The following CNBD1 variants were observed in gnomAD, a reference collection of about 807,000 sequenced individuals.
CNBD1 encodes cyclic nucleotide-binding domain-containing protein 1.
Under a neutral mutation model 54.4 loss-of-function variants are expected in CNBD1, and 71 were observed. The ratio of observed to expected loss-of-function variants is 1.30; its 90% CI spans 1.08 to 1.59. The LOEUF (loss-of-function observed/expected upper bound fraction) is 1.59. Ranked by LOEUF, CNBD1 falls within the 40% of genes most tolerant of loss-of-function variation. The probability of loss-of-function intolerance (pLI) is 0.00; values close to 1 mark genes in which losing one functional copy is unlikely to be tolerated. For synonymous variants in CNBD1, 182 were observed against 170.7 expected (o/e 1.07, Z -0.51); for missense variants, 659 against 518.0 (o/e 1.27, Z -2.64).
intron 7 of CNBD1, among the ~76,000 whole-genome samples, chr8:87,286,290 A>C (rs561145091): frequency 6.6e-6 from 1 of 152,292 alleles, no homozygotes; most frequent in African/African-American, 2.4e-5. Flanking sequence ...AAAACTTCTA[A>C]AACATTTATA....
intron 8 of CNBD1, among the ~76,000 whole-genome samples, chr8:87,326,163 C>G (rs904818646): frequency 1.6e-5 from 2 of 122,096 alleles, no homozygotes; most frequent in Admixed American, 8.0e-5. Context: ...GGGTTTCTGC[C>G]GAGAGATCCG....
At chr8:87,160,001 A>T (rs545818648) in intron 4 of CNBD1, among the ~76,000 whole-genome samples, 1 of 152,182 alleles carries the variant, frequency 6.6e-6, no homozygotes, top group Admixed American at 6.6e-5. Context: ...CATTAGGATG[A>T]AGCCTCATAT....
intron 6 of CNBD1, among the ~76,000 whole-genome samples, chr8:87,271,727 A>G (rs990059524): frequency 6.6e-6 from 1 of 151,880 alleles, no homozygotes; most frequent in Non-Finnish European, 1.5e-5. Flanking sequence ...AATAAAACTA[A>G]CATATGCTCC....
intron 8 of CNBD1, among the ~76,000 whole-genome samples, chr8:87,294,701 C>T (rs192358835): frequency 6.0e-4 from 92 of 152,256 alleles, no homozygotes; most frequent in Admixed American, 5.4e-3. Context: ...TCCCTTTACT[C>T]TTACTTTTGT....
intron 4 of CNBD1, among the ~76,000 whole-genome samples, chr8:87,001,470 G>T (rs1351152295): frequency 6.6e-6 from 1 of 152,126 alleles, no homozygotes; most frequent in Non-Finnish European, 1.5e-5. Flanking sequence ...GTGCATATCA[G>T]ATAAAGTAGT....
At chr8:87,407,060 A>T (rs542573608) in intron 2 of CNBD1, among the ~76,000 whole-genome samples, 2 of 152,178 alleles carry the variant, frequency 1.3e-5, no homozygotes, top group East Asian at 1.9e-4. Context: ...AAGTACACAG[A>T]TCATAAGTAA....
intron 3 of CNBD1, among the ~76,000 whole-genome samples, chr8:86,923,750 G>A (rs1809313936): frequency 6.6e-6 from 1 of 152,122 alleles, no homozygotes; most frequent in Non-Finnish European, 1.5e-5. Context: ...CAGTTTTGTT[G>A]AGAAAATATT....
chr8:87,408,257 T>C (rs1807683190), intron 2 of CNBD1, among the ~76,000 whole-genome samples: 2 of 152,036 alleles, frequency 1.3e-5, no homozygotes, highest in African/African-American at 4.8e-5. Flanking sequence ...TTACATTGTT[T>C]TCTCAGTGTT....
intron 4 of CNBD1, among the ~76,000 whole-genome samples, chr8:87,118,175 C>T (rs1404639265): frequency 2.0e-5 from 3 of 151,600 alleles, no homozygotes; most frequent in African/African-American, 7.3e-5. Context: ...ATTAGCCAGG[C>T]GTGGTGGCAT....
At chr8:86,915,466 G>A (rs547376522) in intron 3 of CNBD1, among the ~76,000 whole-genome samples, 47 of 152,250 alleles carry the variant, frequency 3.1e-4, no homozygotes, top group African/African-American at 1.1e-3. Flanking sequence ...TACAAATGCA[G>A]TTGAGTTTTG....
At chr8:87,177,837 A>G (rs1466999973) in intron 4 of CNBD1, among the ~76,000 whole-genome samples, 2 of 152,214 alleles carry the variant, frequency 1.3e-5, no homozygotes, top group African/African-American at 2.4e-5. Flanking sequence ...TAAAATAATC[A>G]TAGTTTTCTA....
intron 4 of CNBD1, among the ~76,000 whole-genome samples, chr8:86,954,207 C>A (rs532777389): frequency 2.6e-5 from 4 of 152,198 alleles, no homozygotes; most frequent in Non-Finnish European, 5.9e-5. Flanking sequence ...AGCAACATTT[C>A]ACCCTTGCAT....
At chr8:87,344,951 A>G (rs2083102206) in intron 8 of CNBD1, among the ~76,000 whole-genome samples, 1 of 152,218 alleles carries the variant, frequency 6.6e-6, no homozygotes, top group Admixed American at 6.5e-5. Flanking sequence ...ACTAAATATG[A>G]TTACAGAAAC....
At chr8:87,058,913 T>C (rs1360064204) in intron 4 of CNBD1, among the ~76,000 whole-genome samples, 1 of 152,226 alleles carries the variant, frequency 6.6e-6, no homozygotes, top group African/African-American at 2.4e-5. Flanking sequence ...AAAATGGGGT[T>C]TTCTTTTCTA....
At chr8:86,949,062 A>G (rs1807540802) in intron 4 of CNBD1, among the ~76,000 whole-genome samples, 1 of 152,048 alleles carries the variant, frequency 6.6e-6, no homozygotes, top group African/African-American at 2.4e-5. Context: ...CTCACTGTAT[A>G]TATATGGATT....
chr8:87,375,215 C>T (rs1373117058), intron 10 of CNBD1, among the ~76,000 whole-genome samples: 1 of 151,660 alleles, frequency 6.6e-6, no homozygotes, highest in African/African-American at 2.4e-5. Flanking sequence ...AATTAATGCA[C>T]TTTCACAATC....
At chr8:87,235,968 A>G (rs556571569) in intron 5 of CNBD1, among the ~76,000 whole-genome samples, 1 of 152,234 alleles carries the variant, frequency 6.6e-6, no homozygotes, top group South Asian at 2.1e-4. Context: ...CCCCATGGTC[A>G]CTGTGTATGA....
chr8:86,971,547 C>G (rs1453684154), intron 4 of CNBD1, among the ~76,000 whole-genome samples: 1 of 152,178 alleles, frequency 6.6e-6, no homozygotes, highest in Non-Finnish European at 1.5e-5. Context: ...CAATTTATTA[C>G]TATTCCGAAA....
intron 4 of CNBD1, among the ~76,000 whole-genome samples, chr8:87,152,692 A>C (rs1812632987): frequency 6.6e-6 from 1 of 152,110 alleles, no homozygotes; most frequent in Non-Finnish European, 1.5e-5. Flanking sequence ...CTCCATCCTC[A>C]CATGTGTTTC....
Sources: gnomAD v4.1 joint callset for allele counts (sites outside exome capture counted in the v4.1 genomes callset) on GRCh38, gnomAD v4.1.1 for gene constraint, MANE v1.5 for transcripts, NCBI Gene and HGNC (gene_info 2026-07-23, HGNC 2026-07-21) for gene names.